Variants in ANKRD11 observed in about 807,000 individuals in gnomAD.
ANKRD11 encodes the protein ankyrin repeat domain-containing protein 11.
In ANKRD11, 17 loss-of-function variants were observed where a neutral mutation model predicts 195.7. The ratio of observed to expected loss-of-function variants is 0.09; its 90% CI spans 0.06 to 0.13. The LOEUF (loss-of-function observed/expected upper bound fraction) is 0.13. ANKRD11 is among the 10% of genes least tolerant of loss of function. The probability of loss-of-function intolerance (pLI) is 1.00; values close to 1 mark genes in which losing one functional copy is unlikely to be tolerated. For missense variants in ANKRD11, 3,735 were observed against 3,566.1 expected (o/e 1.05, Z -1.21); for synonymous variants, 1,953 against 1,528.1 (o/e 1.28, Z -6.49).
chr16:89,290,610 G>A lies in ANKRD11; in HGVS notation c.601+15C>T. 1 of 1,610,590 alleles carries A rather than the reference G, an allele frequency of 6.2e-7. No individual in the cohort carries two copies. Among genetic ancestry groups the A allele is most frequent in the Non-Finnish European group, 8.5e-7 (1 of 1,179,878 alleles). Reference sequence around the variant, plus strand: ...AGTGGGGCTCTCTGGCCCTTGCCAGGCACAGGGTGCCCACCTGCGAAGTCC... The same window carrying A: ...AGTGGGGCTCTCTGGCCCTTGCCAGACACAGGGTGCCCACCTGCGAAGTCC... On this transcript the variant is annotated intron_variant, in intron 6 of 12. Transcript: ENST00000301030.
intron 2 of ANKRD11, among the ~76,000 whole-genome samples, chr16:89,389,210 A>C (rs1420239014): frequency 1.3e-5 from 2 of 151,730 alleles, no homozygotes; most frequent in Non-Finnish European, 2.9e-5. Context: ...CTTTTAGTAG[A>C]GATGAGGTCT....
intron 2 of ANKRD11, among the ~76,000 whole-genome samples, chr16:89,351,857 G>C (rs918702096): frequency 2.0e-5 from 3 of 152,198 alleles, no homozygotes; most frequent in African/African-American, 7.2e-5. Context: ...AACAACCTTT[G>C]AACTGTGCGC....
chr16:89,317,600 TC>T (rs1488975800), intron 2 of ANKRD11, among the ~76,000 whole-genome samples: 23 of 152,144 alleles, frequency 1.5e-4, no homozygotes, highest in Admixed American at 1.1e-3. Context: ...CACACCCAGT[TC>T]CCTAACTTGG....
intron 2 of ANKRD11, among the ~76,000 whole-genome samples, chr16:89,391,444 C>T (rs2041195888): frequency 6.6e-6 from 1 of 152,166 alleles, no homozygotes; most frequent in South Asian, 2.1e-4. Flanking sequence ...GGACACCCAG[C>T]TGGTGTCCGC....
intron 1 of ANKRD11, among the ~76,000 whole-genome samples, chr16:89,441,757 A>ACTC: frequency 9.3e-6 from 1 of 107,282 alleles, no homozygotes; most frequent in Non-Finnish European, 1.8e-5. Context: ...ACAGAGCGAG[A>ACTC]CTCCGCCTAC....
At chr16:89,344,669 T>C (rs2152007959) in intron 2 of ANKRD11, among the ~76,000 whole-genome samples, 1 of 152,256 alleles carries the variant, frequency 6.6e-6, no homozygotes, top group South Asian at 2.1e-4. Context: ...GGCACCCTCA[T>C]GCATGCTGGG....
At chr16:89,474,472 A>AG (rs2057190845) in intron 1 of ANKRD11, among the ~76,000 whole-genome samples, 1 of 152,086 alleles carries the variant, frequency 6.6e-6, no homozygotes, top group African/African-American at 2.4e-5. Flanking sequence ...AAAAAAAAAA[A>AG]AAAAATTTAA....
intron 2 of ANKRD11, among the ~76,000 whole-genome samples, chr16:89,353,487 C>A (rs1170656690): frequency 6.6e-6 from 1 of 151,748 alleles, no homozygotes; most frequent in Non-Finnish European, 1.5e-5. Flanking sequence ...GTCACTTTTT[C>A]ATTTTTTTGA....
intron 2 of ANKRD11, among the ~76,000 whole-genome samples, chr16:89,334,026 A>AT (rs766195367): frequency 6.6e-6 from 1 of 151,946 alleles, no homozygotes; most frequent in Non-Finnish European, 1.5e-5. Flanking sequence ...AAATACAGAA[A>AT]TAAGGCCAGG....
chr16:89,442,412 C>T (rs2043553689), intron 1 of ANKRD11, among the ~76,000 whole-genome samples: 1 of 152,160 alleles, frequency 6.6e-6, no homozygotes. Context: ...TTTGTAGAGA[C>T]CAAGACTCTT....
chr16:89,355,934 C>A (rs78124283), intron 2 of ANKRD11, among the ~76,000 whole-genome samples: 1 of 152,264 alleles, frequency 6.6e-6, no homozygotes, highest in African/African-American at 2.4e-5. Context: ...CTCAGGAACG[C>A]TAAGTGACTC....
chr16:89,313,721 G>A (rs1233081638), intron 3 of ANKRD11: 2 of 628,070 alleles, frequency 3.2e-6, no homozygotes, highest in Non-Finnish European at 4.9e-6. Flanking sequence ...CTGAGTTCTG[G>A]CACTTGGGGC....
intron 2 of ANKRD11, among the ~76,000 whole-genome samples, chr16:89,336,786 A>G (rs1309837442): frequency 1.3e-5 from 2 of 152,176 alleles, no homozygotes; most frequent in Non-Finnish European, 2.9e-5. Context: ...AAAGGGTTTC[A>G]ATACAAGTGT....
chr16:89,473,626 G>A (rs149774008), intron 1 of ANKRD11, among the ~76,000 whole-genome samples: 8 of 152,304 alleles, frequency 5.3e-5, no homozygotes, highest in Admixed American at 1.3e-4. Flanking sequence ...GAGACGCACC[G>A]CTCTCCCACA....
At chr16:89,440,879 T>C (rs1484506614) in intron 1 of ANKRD11, among the ~76,000 whole-genome samples, 2 of 152,194 alleles carry the variant, frequency 1.3e-5, no homozygotes, top group Non-Finnish European at 2.9e-5. Flanking sequence ...GCATGAATCC[T>C]GGTGTGGCTG....
chr16:89,306,946 C>A (rs1010908778), intron 3 of ANKRD11, among the ~76,000 whole-genome samples: 3 of 152,148 alleles, frequency 2.0e-5, no homozygotes, highest in African/African-American at 4.8e-5. Flanking sequence ...GGAGACGGTG[C>A]GACACACACA....
intron 11 of ANKRD11, 47 bp downstream of exon 11, chr16:89,274,767 G>A (rs770230623): frequency 6.2e-6 from 10 of 1,602,756 alleles, no homozygotes; most frequent in Non-Finnish European, 8.5e-6. Context: ...AGGCGGGCAG[G>A]GTGCAGGCAC....
In ANKRD11 at chr16:89,284,780, A is replaced by G. The variant is rs1282358520; in HGVS notation, c.1762T>C (p.Ser588Pro). Residue 588 changes from serine (S) to proline (P), a missense_variant, in exon 9 of 13, where the codon TCG becomes CCG. Physicochemically the swap from Ser to Pro is moderately conservative, Grantham distance 74. Transcript: ENST00000301030. Reference sequence around the variant, plus strand: ...TGCCTCTTCCTCACTGGCTTCAGCGATTCCACACTGGAGCCCTCAGAGGAG... The same window carrying G: ...TGCCTCTTCCTCACTGGCTTCAGCGGTTCCACACTGGAGCCCTCAGAGGAG... ...DYSSEGSSVE[S>P]LKPVRKRQEH... is the part of the protein sequence containing the mutation. 1 of 1,613,606 alleles carries G rather than the reference A, an allele frequency of 6.2e-7. No homozygotes were observed. Among genetic ancestry groups the G allele is most frequent in the East Asian group, 2.2e-5 (1 of 44,864 alleles).
intron 2 of ANKRD11, among the ~76,000 whole-genome samples, chr16:89,399,010 C>T (rs954803102): frequency 3.3e-5 from 5 of 152,196 alleles, no homozygotes; most frequent in African/African-American, 4.8e-5. Context: ...AAATTGTTAA[C>T]AAGCTCCATG....
Sources: allele counts gnomAD v4.1 joint callset (sites outside exome capture counted in the v4.1 genomes callset), GRCh38; gene constraint gnomAD v4.1.1; transcripts MANE v1.5; gene names NCBI Gene and HGNC (gene_info 2026-07-23, HGNC 2026-07-21).